HOXC4: variants seen among roughly 807,000 people sequenced by gnomAD.
The protein encoded by HOXC4 is homeobox protein Hox-C4.
Under a neutral mutation model 25.5 loss-of-function variants are expected in HOXC4, and 15 were observed. That is an observed-to-expected ratio of 0.59 (90% CI 0.39 to 0.91). HOXC4 has a LOEUF of 0.91. Ranked by LOEUF, HOXC4 falls within the 40% of genes least tolerant of loss-of-function variation. The pLI is 0.00. For synonymous variants in HOXC4, 165 were observed against 148.0 expected (o/e 1.11, Z -0.83); for missense variants, 342 against 352.4 (o/e 0.97, Z 0.24).
chr12:54,026,532 G>T (rs1452311519), intron 1 of HOXC4, among the ~76,000 whole-genome samples: 1 of 152,176 alleles, frequency 6.6e-6, no homozygotes, highest in Non-Finnish European at 1.5e-5. Context: ...AAGAAAGTGT[G>T]ATCTAGAAGG....
intron 1 of HOXC4, chr12:54,029,607 G>T (rs774357870): frequency 5.1e-6 from 8 of 1,576,700 alleles, no homozygotes; most frequent in Non-Finnish European, 8.6e-7. Flanking sequence ...AGTCTGCAGA[G>T]GACGCTTTGC....
chr12:54,037,168 G>A (rs1011922089), intron 1 of HOXC4, among the ~76,000 whole-genome samples: 2 of 152,324 alleles, frequency 1.3e-5, no homozygotes, highest in South Asian at 2.1e-4. Context: ...GGGAGTCAGC[G>A]GCGGCAACCA....
intron 1 of HOXC4, among the ~76,000 whole-genome samples, chr12:54,018,128 T>A (rs1055206531): frequency 6.7e-6 from 1 of 148,974 alleles, no homozygotes; most frequent in African/African-American, 2.5e-5. Flanking sequence ...GGGTGGGAGG[T>A]GCCCTGCGTT....
At chr12:54,046,841 G>A (rs1024538307) in intron 1 of HOXC4, among the ~76,000 whole-genome samples, 2 of 152,078 alleles carry the variant, frequency 1.3e-5, no homozygotes, top group Non-Finnish European at 2.9e-5. Context: ...CAATCCCTTG[G>A]GTGGAGGGGC....
intron 1 of HOXC4, chr12:54,028,977 G>A (rs1940858430): frequency 6.6e-6 from 10 of 1,507,252 alleles, no homozygotes; most frequent in Non-Finnish European, 8.9e-6. Context: ...CTTTATGACC[G>A]GCTTCCCTAG....
chr12:54,034,161 T>A, intron 1 of HOXC4: 1 of 1,009,096 alleles, frequency 9.9e-7, no homozygotes, highest in Non-Finnish European at 1.6e-6. Context: ...TGGCCTGTCT[T>A]GCGGCTCTCG....
chr12:54,029,497 C>A (rs1382874523), intron 1 of HOXC4: 1 of 608,120 alleles, frequency 1.6e-6, no homozygotes, highest in South Asian at 2.3e-5. Flanking sequence ...GCTGTACCCC[C>A]AGTGGGGGTG....
At chr12:54,045,904 C>T (rs1937691241) in intron 1 of HOXC4, among the ~76,000 whole-genome samples, 1 of 152,158 alleles carries the variant, frequency 6.6e-6, no homozygotes, top group African/African-American at 2.4e-5. Context: ...GCCTCTGTGA[C>T]CTGAGATCCA....
chr12:54,029,539 TA>T, intron 1 of HOXC4: 1 of 1,095,750 alleles, frequency 9.1e-7, no homozygotes, highest in Non-Finnish European at 1.3e-6. Context: ...GCTAGAGCCC[TA>T]AGGAGGCTGT....
intron 1 of HOXC4, chr12:54,033,697 T>C (rs1941082200): frequency 1.2e-6 from 1 of 844,192 alleles, no homozygotes; most frequent in Admixed American, 2.9e-5. Flanking sequence ...CAATGGCTCG[T>C]AAAACTGTCC....
chr12:54,051,744 T>G (rs1937851099), upstream of HOXC4, among the ~76,000 whole-genome samples: 1 of 152,010 alleles, frequency 6.6e-6, no homozygotes, highest in Non-Finnish European at 1.5e-5. Flanking sequence ...CTGCTGAGCC[T>G]GGGGTGGGGC....
At chr12:54,031,280 G>C (rs976248906) in intron 1 of HOXC4, among the ~76,000 whole-genome samples, 1 of 152,230 alleles carries the variant, frequency 6.6e-6, no homozygotes, top group Non-Finnish European at 1.5e-5. Flanking sequence ...CCCCAGGCCC[G>C]CGCCAAGCTG....
intron 1 of HOXC4, among the ~76,000 whole-genome samples, chr12:54,040,493 C>T (rs6580970): frequency 0.29 from 43,669 of 152,134 alleles, 6,467 homozygotes; most frequent in East Asian, 0.43. Context: ...CCTGAACCAA[C>T]TCTGAGGAGT....
intron 1 of HOXC4, among the ~76,000 whole-genome samples, chr12:54,039,303 C>T (rs1292786885): frequency 6.6e-6 from 1 of 152,198 alleles, no homozygotes; most frequent in Non-Finnish European, 1.5e-5. Flanking sequence ...GCCTCGCCCC[C>T]GCTGCTCAAG....
intron 1 of HOXC4, chr12:54,029,508 G>A (rs1452305107): frequency 2.6e-6 from 2 of 756,768 alleles, no homozygotes; most frequent in Non-Finnish European, 4.2e-6. Flanking sequence ...AGTGGGGGTG[G>A]GGCAAGGCAA....
intron 1 of HOXC4, among the ~76,000 whole-genome samples, chr12:54,022,809 T>C (rs1175193830): frequency 6.6e-6 from 1 of 151,974 alleles, no homozygotes; most frequent in Non-Finnish European, 1.5e-5. Context: ...TAATACCGAG[T>C]TCTTGAATTT....
chr12:54,028,992 ACGG>A, intron 1 of HOXC4: 1 of 1,452,646 alleles, frequency 6.9e-7, no homozygotes, highest in East Asian at 2.3e-5. Context: ...CCCTAGAAGA[ACGG>A]GCGGAGAGAG....
chr12:54,042,291 T>C (rs1176482397), intron 1 of HOXC4, among the ~76,000 whole-genome samples: 3 of 152,198 alleles, frequency 2.0e-5, no homozygotes, highest in African/African-American at 7.2e-5. Flanking sequence ...TTTGCCTCTT[T>C]TATGAGTTAG....
chr12:54,040,370 G>GTTCC (rs758809298), intron 1 of HOXC4, among the ~76,000 whole-genome samples: 2 of 152,114 alleles, frequency 1.3e-5, no homozygotes, highest in Non-Finnish European at 2.9e-5. Context: ...ATCCGGCCCT[G>GTTCC]TTCCTTCCTC....
Sources: gnomAD v4.1 joint callset for allele counts (sites outside exome capture counted in the v4.1 genomes callset) on GRCh38, gnomAD v4.1.1 for gene constraint, MANE v1.5 for transcripts, NCBI Gene and HGNC (gene_info 2026-07-23, HGNC 2026-07-21) for gene names.